Variants in CDH2 observed in about 807,000 individuals in gnomAD.
CDH2 encodes the protein cadherin 2, also known as cadherin-2.
Under a neutral mutation model 92.0 loss-of-function variants are expected in CDH2, and 17 were observed. That is an observed-to-expected ratio of 0.18 (90% confidence interval 0.13 to 0.28). The LOEUF is 0.28. Ranked by LOEUF, CDH2 falls within the 10% of genes least tolerant of loss-of-function variation. The pLI is 1.00. For missense variants in CDH2, 862 were observed against 1,133.1 expected (o/e 0.76, Z 3.44); for synonymous variants, 419 against 415.9 (o/e 1.01, Z -0.09).
intron 1 of CDH2, among the ~76,000 whole-genome samples, chr18:28,148,732 A>G (rs1180320967): frequency 6.6e-6 from 1 of 152,200 alleles, no homozygotes; most frequent in Non-Finnish European, 1.5e-5. Context: ...AGAACCAGAA[A>G]TTGAGAGGAA....
rs116931089 is a variant in CDH2, at chr18:28,170,040, T to A, written c.60+6923A>T. ...ACCATGGTTTACCCAACTATTATAA[T>A]CTCTCAGGCACTGAGAACTCAGCAT... On this transcript the variant is annotated intron_variant, in intron 1 of 15. Transcript: ENST00000269141. 1.9e-4 allele frequency among the ~76,000 whole-genome samples: 29 copies of A among 152,314 alleles called. No individual in the cohort carries two copies. In the East Asian group the frequency reaches 3.5e-3, roughly 18 times the overall value.
chr18:27,965,811 C>T (rs974371070), intron 14 of CDH2, among the ~76,000 whole-genome samples: 5 of 151,502 alleles, frequency 3.3e-5, no homozygotes, highest in Non-Finnish European at 7.4e-5. Flanking sequence ...GGTGAAACCC[C>T]ATCTCTACTA....
rs76640541 is a variant in CDH2, at chr18:28,020,912, A to G, written c.173-7003T>C. On this transcript the variant is annotated intron_variant, in intron 2 of 15. Coordinates refer to ENST00000269141, the MANE Select transcript of CDH2 (RefSeq NM_001792.5). ...AGAGAAACCAAGTACTGGGAGAGAT[A>G]TATGAAACTCTGTATTTCTGCTAAT... 1.3e-4 allele frequency among the ~76,000 whole-genome samples: 20 copies of G among 152,160 alleles called. No individual in the cohort carries two copies. In the East Asian group the frequency reaches 3.9e-3, roughly 29 times the overall value.
chr18:28,070,500 G>A (rs765937272), intron 2 of CDH2, among the ~76,000 whole-genome samples: 30 of 152,034 alleles, frequency 2.0e-4, no homozygotes, highest in East Asian at 3.9e-4. Context: ...GACTATAATC[G>A]ACCAACACAA....
At chr18:28,171,882 C>T (rs1358303385) in intron 1 of CDH2, among the ~76,000 whole-genome samples, 1 of 152,072 alleles carries the variant, frequency 6.6e-6, no homozygotes, top group East Asian at 1.9e-4. Context: ...GCTTCCTGCC[C>T]TGGACACTAG....
chr18:28,028,695 G>A (rs1357875844), intron 2 of CDH2, among the ~76,000 whole-genome samples: 1 of 152,188 alleles, frequency 6.6e-6, no homozygotes, highest in East Asian at 1.9e-4. Context: ...CTGCTGGAAA[G>A]AACTTTGTAA....
At chr18:28,107,832 G>GC (rs958453327) in intron 2 of CDH2, among the ~76,000 whole-genome samples, 3 of 152,052 alleles carry the variant, frequency 2.0e-5, no homozygotes, top group African/African-American at 7.2e-5. Flanking sequence ...TCACCTTCTA[G>GC]CCCCGCTAAC....
intron 7 of CDH2, among the ~76,000 whole-genome samples, chr18:28,001,900 C>T (rs1436928511): frequency 6.6e-6 from 1 of 152,180 alleles, no homozygotes; most frequent in Non-Finnish European, 1.5e-5. Flanking sequence ...CTTCTAAAAT[C>T]CTTGTCAATG....
intron 2 of CDH2, among the ~76,000 whole-genome samples, chr18:28,026,787 T>C (rs1214871265): frequency 6.6e-6 from 1 of 152,196 alleles, no homozygotes; most frequent in Non-Finnish European, 1.5e-5. Context: ...ATGGATCTAC[T>C]TGCCATGCTG....
chr18:28,006,115 T>C, intron 5 of CDH2, 122 bp from the exon 6 acceptor site: 1 of 748,696 alleles, frequency 1.3e-6, no homozygotes, highest in South Asian at 2.1e-5. Context: ...AAAGCGGTTC[T>C]TCCCATCAAA....
chr18:28,030,030 A>G (rs2013653360), intron 2 of CDH2, among the ~76,000 whole-genome samples: 1 of 152,166 alleles, frequency 6.6e-6, no homozygotes, highest in South Asian at 2.1e-4. Flanking sequence ...TGTATGTATT[A>G]GCTAAAACAA....
rs1205743836 is a variant in CDH2 at position 28,009,891 on chromosome 18, A to G, written c.547-19T>C. On this transcript the variant is annotated intron_variant, in intron 4 of 15. Transcript: ENST00000269141. ...ACCTGATCTGAGGATCAAGAAAACA[A>G]TGACATTAAGTGAGAGACTAAATGA... is the stretch of plus-strand genomic sequence containing the variant. 1 of 1,595,628 alleles carries G rather than the reference A, an allele frequency of 6.3e-7. No homozygotes were observed. Among genetic ancestry groups the G allele is most frequent in the South Asian group, 1.1e-5 (1 of 88,388 alleles).
At chr18:28,115,020 G>C (rs2015473706) in intron 2 of CDH2, among the ~76,000 whole-genome samples, 1 of 152,114 alleles carries the variant, frequency 6.6e-6, no homozygotes, top group Admixed American at 6.6e-5. Context: ...GTGTAACAGG[G>C]GTTCCTAAGT....
intron 7 of CDH2, among the ~76,000 whole-genome samples, chr18:27,996,160 C>T (rs2012575354): frequency 6.6e-6 from 1 of 152,222 alleles, no homozygotes; most frequent in Admixed American, 6.5e-5. Flanking sequence ...AAAGTGATTC[C>T]TCCCATTCGC....
intron 14 of CDH2, among the ~76,000 whole-genome samples, chr18:27,978,740 C>A (rs1414841594): frequency 6.6e-6 from 1 of 152,028 alleles, no homozygotes; most frequent in Non-Finnish European, 1.5e-5. Flanking sequence ...GCGGCCTCGA[C>A]CTCCCAGGCT....
downstream of CDH2, among the ~76,000 whole-genome samples, chr18:27,948,662 A>C (rs373471109): frequency 2.6e-4 from 39 of 152,110 alleles, no homozygotes; most frequent in African/African-American, 8.7e-4. Flanking sequence ...GCTAATGAGC[A>C]TAAGAAAAAA....
At chr18:28,121,479 C>T (rs1338813686) in intron 2 of CDH2, among the ~76,000 whole-genome samples, 1 of 152,060 alleles carries the variant, frequency 6.6e-6, no homozygotes, top group Non-Finnish European at 1.5e-5. Context: ...TTGGGTCCCA[C>T]AATTCAGGCC....
At chr18:28,171,956 C>A (rs1383935760) in intron 1 of CDH2, among the ~76,000 whole-genome samples, 2 of 152,130 alleles carry the variant, frequency 1.3e-5, no homozygotes, top group African/African-American at 4.8e-5. Flanking sequence ...ACTGTTGGTG[C>A]CTAAACCACC....
chr18:28,068,021 C>T (rs2014542949), intron 2 of CDH2, among the ~76,000 whole-genome samples: 1 of 152,154 alleles, frequency 6.6e-6, no homozygotes, highest in Non-Finnish European at 1.5e-5. Context: ...TACAGTGACA[C>T]CAGTGTAAAA....
Sources: allele counts gnomAD v4.1 joint callset (sites outside exome capture counted in the v4.1 genomes callset), GRCh38; gene constraint gnomAD v4.1.1; transcripts MANE v1.5; gene names NCBI Gene and HGNC (gene_info 2026-07-23, HGNC 2026-07-21).